The following INO80D variants were observed in gnomAD, a reference collection of about 807,000 sequenced individuals.
INO80D encodes INO80 complex subunit D.
A neutral mutation model predicts 87.6 loss-of-function variants in INO80D; 21 were observed. That is an observed-to-expected ratio of 0.24 (90% confidence interval 0.17 to 0.35). The LOEUF (loss-of-function observed/expected upper bound fraction) is 0.35. Among genes scored for constraint, INO80D ranks in the 10% least tolerant of loss-of-function variants. The pLI, the probability that INO80D is intolerant of heterozygous loss-of-function variation, is 1.00. For synonymous variants in INO80D, 440 were observed against 491.0 expected (o/e 0.90, Z 1.37); for missense variants, 982 against 1,280.7 (o/e 0.77, Z 3.56).
intron 1 of INO80D, among the ~76,000 whole-genome samples, chr2:206,076,190 G>T (rs187456999): frequency 6.6e-6 from 1 of 151,700 alleles, no homozygotes; most frequent in Non-Finnish European, 1.5e-5. Context: ...TGAAACCCTC[G>T]ACAAAAAATA....
intron 5 of INO80D, among the ~76,000 whole-genome samples, chr2:206,032,697 G>C (rs1043460436): frequency 6.6e-6 from 1 of 152,092 alleles, no homozygotes; most frequent in South Asian, 2.1e-4. Context: ...TATCAGCCAA[G>C]AATTTTGTAT....
At chr2:206,014,607 C>T (rs964691158) in intron 8 of INO80D, among the ~76,000 whole-genome samples, 2 of 152,042 alleles carry the variant, frequency 1.3e-5, no homozygotes, top group Non-Finnish European at 1.5e-5. Context: ...TCCCCAGCCA[C>T]GTGGAACTGT....
In INO80D at chr2:206,005,509, G is replaced by A; in HGVS notation, c.1943C>T (p.Thr648Ile). 2 of 1,612,514 alleles carry A rather than the reference G, an allele frequency of 1.2e-6. No homozygotes were observed. Among genetic ancestry groups the A allele is most frequent in the Non-Finnish European group, 1.7e-6 (2 of 1,179,706 alleles). The change falls in exon 11 of 11, where the codon ACT becomes ATT. Residue 648 changes from threonine (T) to isoleucine (I), a missense_variant. Transcript: ENST00000403263. ...TTCAAGCTCCTCAGCCTCTTCGGTA[G>A]TTGGGAGGAGGTCTCCATTCTTCCC... is the stretch of plus-strand genomic sequence containing the variant. ...FEGKNGDLLP[T>I]TEEAEELERA...
intron 9 of INO80D, chr2:206,007,836 C>T (rs1278571388): frequency 6.6e-6 from 1 of 151,922 alleles, no homozygotes; most frequent in Non-Finnish European, 1.4e-5. Context: ...AAAAAAACAA[C>T]CAAAATCAAA....
chr2:206,044,490 A>G (rs1327468665), intron 5 of INO80D, among the ~76,000 whole-genome samples: 1 of 151,598 alleles, frequency 6.6e-6, no homozygotes, highest in Non-Finnish European at 1.5e-5. Context: ...TTAAAAAAAA[A>G]AAAAAAAAAA....
chr2:206,018,945 C>T (rs1688390142), intron 7 of INO80D, among the ~76,000 whole-genome samples: 1 of 152,138 alleles, frequency 6.6e-6, no homozygotes, highest in Non-Finnish European at 1.5e-5. Context: ...TATTTTTAAG[C>T]ACTCATACTT....
intron 7 of INO80D, among the ~76,000 whole-genome samples, chr2:206,019,196 A>G (rs553161571): frequency 6.6e-6 from 1 of 152,336 alleles, no homozygotes; most frequent in African/African-American, 2.4e-5. Flanking sequence ...ATAAGATTTC[A>G]TCACCAACCT....
At chr2:206,063,081 T>C (rs1689728416) in intron 2 of INO80D, 36 bp from the exon 3 acceptor site, 2 of 1,111,576 alleles carry the variant, frequency 1.8e-6, no homozygotes, top group South Asian at 2.7e-5. Flanking sequence ...ACCCAAATGA[T>C]AAATCAGAGA....
intron 6 of INO80D, among the ~76,000 whole-genome samples, chr2:206,021,329 G>A (rs818000): frequency 0.33 from 50,567 of 151,970 alleles, 8,993 homozygotes; most frequent in South Asian, 0.58. Flanking sequence ...CATATAAACT[G>A]TAAACACTGT....
At chr2:206,059,653 G>T (rs1372232925) in intron 3 of INO80D, among the ~76,000 whole-genome samples, 1 of 152,102 alleles carries the variant, frequency 6.6e-6, no homozygotes. Context: ...ACTCTTTAAC[G>T]TAGGCCTCTT....
chr2:206,010,083 A>ACACACACACGCACG (rs142314785), intron 8 of INO80D, among the ~76,000 whole-genome samples: 5 of 151,282 alleles, frequency 3.3e-5, no homozygotes, highest in Non-Finnish European at 5.9e-5. Flanking sequence ...ACACACACAC[A>ACACACACACGCACG]CACGCACACA....
At position 205,997,890 on chromosome 2, in the gene INO80D, T is replaced by C. The variant is rs2105783484; in HGVS notation, c.*6478A>G. ...ATTCGGTTACCTTTATCTATTTTTA[T>C]ATAAGCACACATTCATATCTCTCAC... On this transcript the variant is annotated 3_prime_UTR_variant, in exon 11 of 11. Transcript: ENST00000403263. 6.6e-6 allele frequency: 1 copy of C among 152,316 alleles called. No individual in the cohort carries two copies. The highest frequency in any genetic ancestry group is 1.9e-4 in the East Asian group (1 of 5,196). The allele number at this position is 152,316 out of a possible 1,614,324, so 9.4% of individuals were successfully genotyped here.
Position 205,999,278 on chromosome 2 carries a change from G to A in INO80D, c.*5090C>T, listed in dbSNP as rs185381472. ...GGCGGGATGGGTACAGATCATATGT[G>A]CGTGTGCATTCTTCGGGACTGTGGT... On this transcript the variant is annotated 3_prime_UTR_variant, in exon 11 of 11. Coordinates refer to ENST00000403263, the MANE Select transcript of INO80D (RefSeq NM_017759.5). 4 of 152,390 alleles carry A rather than the reference G, an allele frequency of 2.6e-5. No individual in the cohort carries two copies. Among genetic ancestry groups the A allele is most frequent in the East Asian group, 3.9e-4 (2 of 5,190 alleles). 9.4% of individuals were successfully genotyped at this position (152,390 alleles called of 1,614,324 possible). A position where few individuals can be genotyped will look rare whatever the true frequency, so the allele number is the denominator to read the frequency against.
rs958809390 is a variant in INO80D, at chr2:206,002,271, A to C, written c.*2097T>G. 1.2e-4 allele frequency: 18 copies of C among 152,258 alleles called. No homozygotes were observed. The highest frequency in any genetic ancestry group is 1.9e-4 in the Non-Finnish European group (13 of 68,052). The allele number at this position is 152,258 out of a possible 1,614,324, so 9.4% of individuals were successfully genotyped here. Reference sequence around the variant, plus strand: ...ACTCGTGACCACTTCATTACAGTACATTAAAATAAAAAAGCTTACTAATAT... The same window carrying C: ...ACTCGTGACCACTTCATTACAGTACCTTAAAATAAAAAAGCTTACTAATAT... On this transcript the variant is annotated 3_prime_UTR_variant, in exon 11 of 11. Coordinates refer to ENST00000403263, the MANE Select transcript of INO80D (RefSeq NM_017759.5).
rs181138372 is a variant in INO80D at position 205,994,246 on chromosome 2, A to C, written c.*10122T>G. 6.6e-6 allele frequency: 1 copy of C among 152,316 alleles called. No homozygotes were observed. Among genetic ancestry groups the C allele is most frequent in the Admixed American group, 6.5e-5 (1 of 15,302 alleles). 9.4% of individuals were successfully genotyped at this position (152,316 alleles called of 1,614,324 possible). On this transcript the variant is annotated 3_prime_UTR_variant, in exon 11 of 11. Transcript: ENST00000403263. ...ACACAAATACAGAGGAGAGATTGTC[A>C]GTTTGTAAGTTCCCTTTAAGCGGCT...
chr2:206,032,029 G>A (rs1688781134), intron 5 of INO80D, among the ~76,000 whole-genome samples: 1 of 152,190 alleles, frequency 6.6e-6, no homozygotes, highest in South Asian at 2.1e-4. Context: ...AGCAGGAAAC[G>A]CTCTGGGAGC....
rs374124424 is a variant in INO80D, at chr2:205,994,628, A to G, written c.*9740T>C. ...CCCCAGCCTCTCTATTTTAGTCTTC[A>G]GGAGTACTCTTACTTCACTGTTTTT... On this transcript the variant is annotated 3_prime_UTR_variant, in exon 11 of 11. Coordinates refer to ENST00000403263, the MANE Select transcript of INO80D (RefSeq NM_017759.5). The G allele has an allele frequency of 2.3e-4, 35 of 152,292 alleles. No individual in the cohort carries two copies. The East Asian group carries it at 4.4e-3, about 19-fold the overall frequency. 9.4% of individuals were successfully genotyped at this position (152,292 alleles called of 1,614,324 possible).
chr2:206,025,979 C>A (rs1688605943), intron 6 of INO80D, among the ~76,000 whole-genome samples: 2 of 152,020 alleles, frequency 1.3e-5, no homozygotes, highest in South Asian at 4.2e-4. Flanking sequence ...CTCACTGCAA[C>A]CTCCTACTCC....
chr2:206,019,589 C>T lies in INO80D; in HGVS notation c.1408+147G>A, dbSNP rs186146385. 1,269 of 607,588 alleles carry T rather than the reference C, an allele frequency of 2.1e-3. 7 individuals carry two copies. The highest frequency in any genetic ancestry group is 2.9e-3 in the Non-Finnish European group (1,075 of 367,696). 37.6% of individuals were successfully genotyped at this position (607,588 alleles called of 1,614,324 possible). On this transcript the variant is annotated intron_variant, in intron 7 of 10. Coordinates refer to ENST00000403263, the MANE Select transcript of INO80D (RefSeq NM_017759.5). ...AAAACAAGAAAAATTATTCAGAGGACATCATGAAAATTATGTTCGATAAAA... is the reference window on the plus strand; with the variant it reads ...AAAACAAGAAAAATTATTCAGAGGATATCATGAAAATTATGTTCGATAAAA...
Sources: gnomAD v4.1 joint callset for allele counts (sites outside exome capture counted in the v4.1 genomes callset) on GRCh38, gnomAD v4.1.1 for gene constraint, MANE v1.5 for transcripts, NCBI Gene and HGNC (gene_info 2026-07-23, HGNC 2026-07-21) for gene names.